Variants in ZNF277 observed in about 807,000 individuals in gnomAD.
The protein encoded by ZNF277 is nuclear receptor-interacting factor 4.
ZNF277 carries 55 observed loss-of-function variants against 60.7 expected under a neutral mutation model. The ratio of observed to expected loss-of-function variants is 0.91; its 90% CI spans 0.73 to 1.13. The LOEUF is 1.13. Ranked by LOEUF, ZNF277 falls within the 50% of genes most tolerant of loss-of-function variation. The probability of loss-of-function intolerance (pLI) is 0.00; values close to 1 mark genes in which losing one functional copy is unlikely to be tolerated. For synonymous variants in ZNF277, 178 were observed against 179.3 expected, an observed-to-expected ratio of 0.99 and a Z score of 0.06; for missense variants, 510 against 523.0, an observed-to-expected ratio of 0.98 and a Z score of 0.24.
intron 1 of ZNF277, among the ~76,000 whole-genome samples, chr7:112,271,747 T>A (rs1256248708): frequency 6.6e-6 from 1 of 152,148 alleles, no homozygotes; most frequent in Admixed American, 6.5e-5. Context: ...AAATTATACT[T>A]GGTTCTTTTT....
rs78422376 is a variant in ZNF277, at chr7:112,302,846, G to C, written c.465+6535G>C. Among the ~76,000 whole-genome samples, 157 of 151,998 alleles carry C rather than the reference G, an allele frequency of 1.0e-3. 5 individuals are homozygous for C. In the East Asian group the frequency reaches 0.026, roughly 25 times the overall value. On this transcript the variant is annotated intron_variant, in intron 4 of 11. Transcript: ENST00000361822. ...TTATATACAGTGTTAAATAGAAAGG[G>C]AAGCAATTCAAACTCCTAAATTTCC...
At chr7:112,221,060 C>T (rs376700977) in intron 1 of ZNF277, among the ~76,000 whole-genome samples, 9 of 152,020 alleles carry the variant, frequency 5.9e-5, no homozygotes, top group Non-Finnish European at 7.4e-5. Flanking sequence ...GCAGACCCGC[C>T]GCTGACCCGC....
intron 4 of ZNF277, among the ~76,000 whole-genome samples, chr7:112,315,185 T>G (rs1477378245): frequency 6.6e-6 from 1 of 152,110 alleles, no homozygotes; most frequent in Non-Finnish European, 1.5e-5. Flanking sequence ...CCGACGCTCA[T>G]CTGAGGAAGA....
At chr7:112,285,243 G>T (rs1261165795) in intron 1 of ZNF277, among the ~76,000 whole-genome samples, 2 of 151,612 alleles carry the variant, frequency 1.3e-5, no homozygotes, top group Non-Finnish European at 2.9e-5. Context: ...TGCTGGCCAG[G>T]ATGGTCTTGA....
chr7:112,290,193 C>T (rs1194509324), intron 2 of ZNF277, among the ~76,000 whole-genome samples: 1 of 152,166 alleles, frequency 6.6e-6, no homozygotes, highest in Non-Finnish European at 1.5e-5. Flanking sequence ...TGCAGAAGAA[C>T]AGTATTAACT....
At chr7:112,312,722 A>G (rs1434869708) in intron 4 of ZNF277, among the ~76,000 whole-genome samples, 3 of 152,144 alleles carry the variant, frequency 2.0e-5, no homozygotes, top group Non-Finnish European at 2.9e-5. Context: ...GAAATTTTTC[A>G]TAATAAAAAG....
intron 1 of ZNF277, among the ~76,000 whole-genome samples, chr7:112,269,130 A>C (rs1791610749): frequency 6.6e-6 from 1 of 152,150 alleles, no homozygotes; most frequent in African/African-American, 2.4e-5. Context: ...ACAATGAATG[A>C]CAAGACCTTG....
rs1397930690 is a variant in ZNF277, at chr7:112,272,757, G to T, written c.92-14116G>T. ...GATCCGCCCACCTCGGACTTCCAAA[G>T]TGCTGGGATAACAGGCGTGAGCCAC... On this transcript the variant is annotated intron_variant, in intron 1 of 11. Coordinates refer to ENST00000361822, the MANE Select transcript of ZNF277 (RefSeq NM_021994.3). 1.3e-5 allele frequency among the ~76,000 whole-genome samples: 2 copies of T among 152,186 alleles called. 1 individual carries two copies. Among genetic ancestry groups the T allele is most frequent in the East Asian group, 3.9e-4 (2 of 5,186 alleles).
At chr7:112,296,141 C>T in intron 3 of ZNF277, 88 bp from the exon 4 acceptor site, 1 of 1,050,724 alleles carries the variant, frequency 9.5e-7, no homozygotes, top group Non-Finnish European at 1.5e-6. Flanking sequence ...AATAGACACA[C>T]ACATCTGTAT....
chr7:112,277,148 A>C (rs1016419367), intron 1 of ZNF277, among the ~76,000 whole-genome samples: 4 of 137,698 alleles, frequency 2.9e-5, no homozygotes, highest in African/African-American at 1.1e-4. Flanking sequence ...CAGTGGCACG[A>C]TCTCGGCTCA....
chr7:112,339,880 A>C lies in ZNF277; in HGVS notation c.1004A>C (p.Glu335Ala), dbSNP rs751425381. The change falls in exon 10 of 12, where the codon GAA (glutamate) becomes GCA (alanine). Residue 335 changes from glutamate (E) to alanine (A), a missense_variant. Transcript: ENST00000361822. ...HEFDLLKIKS[E>A]LGLNFYQQVK... ...TTTGATCTTCTCAAAATAAAGTCAG[A>C]ACTTGGTAAGTTTGATTCAGAGGTT... 6.2e-7 allele frequency: 1 copy of C among 1,610,448 alleles called. No homozygotes were observed. Among genetic ancestry groups the C allele is most frequent in the Non-Finnish European group, 8.5e-7 (1 of 1,179,912 alleles).
intron 1 of ZNF277, among the ~76,000 whole-genome samples, chr7:112,210,265 G>A (rs1413077934): frequency 1.3e-5 from 2 of 152,204 alleles, no homozygotes; most frequent in African/African-American, 4.8e-5. Flanking sequence ...CCCTGGGACA[G>A]TGAGGCCTAG....
At chr7:112,260,647 G>A (rs1351853134) in intron 1 of ZNF277, among the ~76,000 whole-genome samples, 2 of 152,090 alleles carry the variant, frequency 1.3e-5, no homozygotes, top group African/African-American at 4.8e-5. Flanking sequence ...TTTCTAGGAA[G>A]CGATAAGCCT....
At chr7:112,309,574 A>C (rs756480817) in intron 4 of ZNF277, among the ~76,000 whole-genome samples, 1 of 151,634 alleles carries the variant, frequency 6.6e-6, no homozygotes, top group Non-Finnish European at 1.5e-5. Flanking sequence ...AAACAGCCCT[A>C]TGTTGTTTTT....
chr7:112,343,642 T>C lies in ZNF277; in HGVS notation c.*913T>C, dbSNP rs1166962580. 6.6e-6 allele frequency among the ~76,000 whole-genome samples: 1 copy of C among 152,050 alleles called. No homozygotes were observed. Among genetic ancestry groups the C allele is most frequent in the African/African-American group, 2.4e-5 (1 of 41,402 alleles). Reference sequence around the variant, plus strand: ...ATGAAGAAACAGTCAAATCCAAGTTTGAGGCTGGGCACAGTAGCTCATATC... The same window carrying C: ...ATGAAGAAACAGTCAAATCCAAGTTCGAGGCTGGGCACAGTAGCTCATATC... On this transcript the variant is annotated 3_prime_UTR_variant, in exon 12 of 12. Coordinates refer to ENST00000361822, the MANE Select transcript of ZNF277 (RefSeq NM_021994.3).
chr7:112,284,394 T>C (rs1792013736), intron 1 of ZNF277, among the ~76,000 whole-genome samples: 1 of 152,212 alleles, frequency 6.6e-6, no homozygotes, highest in Non-Finnish European at 1.5e-5. Flanking sequence ...ATATGCTGCC[T>C]TTTGTAGCTA....
At chr7:112,300,495 A>G (rs931816650) in intron 4 of ZNF277, among the ~76,000 whole-genome samples, 4 of 152,058 alleles carry the variant, frequency 2.6e-5, no homozygotes, top group Non-Finnish European at 5.9e-5. Context: ...GTGTATACAT[A>G]TGTTTCTCAA....
At chr7:112,319,667 A>T (rs996503523) in intron 5 of ZNF277, among the ~76,000 whole-genome samples, 5 of 147,296 alleles carry the variant, frequency 3.4e-5, no homozygotes, top group South Asian at 2.1e-4. Flanking sequence ...TAATATATAT[A>T]ATATATATTA....
intron 5 of ZNF277, among the ~76,000 whole-genome samples, chr7:112,321,612 A>C (rs923087130): frequency 6.6e-6 from 1 of 152,114 alleles, no homozygotes; most frequent in African/African-American, 2.4e-5. Context: ...CCTTTCTTTT[A>C]ACCTAAAGAA....
Sources: gnomAD v4.1 joint callset for allele counts (sites outside exome capture counted in the v4.1 genomes callset) on GRCh38, gnomAD v4.1.1 for gene constraint, MANE v1.5 for transcripts, NCBI Gene and HGNC (gene_info 2026-07-23, HGNC 2026-07-21) for gene names.